Variants in NCAM1 observed in about 807,000 individuals in gnomAD.
NCAM1 encodes the protein neural cell adhesion molecule 1, also known as antigen recognized by monoclonal antibody 5.1H11.
In NCAM1, 14 loss-of-function variants were observed where a neutral mutation model predicts 109.8. The observed-to-expected ratio is 0.13, with a 90% CI of 0.08 to 0.20. The LOEUF (loss-of-function observed/expected upper bound fraction) is 0.20, where lower values mean the gene tolerates loss of function less well. Among genes scored for constraint, NCAM1 ranks in the 10% least tolerant of loss-of-function variants. The pLI is 1.00. For missense variants in NCAM1, 774 were observed against 1,109.9 expected, an observed-to-expected ratio of 0.70 and a Z score of 4.30; for synonymous variants, 418 against 442.9, an observed-to-expected ratio of 0.94 and a Z score of 0.70.
At chr11:113,263,525 T>C in intron 17 of NCAM1, 1 of 985,776 alleles carries the variant, frequency 1.0e-6, no homozygotes, top group South Asian at 4.7e-5. Context: ...AAGTTGAATT[T>C]GTTGGATATT....
chr11:113,173,565 A>G (rs1391937566), intron 1 of NCAM1, among the ~76,000 whole-genome samples: 1 of 137,692 alleles, frequency 7.3e-6, no homozygotes, highest in East Asian at 2.1e-4. Flanking sequence ...AGTGGAAAAC[A>G]TATGACTAAT....
intron 17 of NCAM1, chr11:113,265,042 T>C: frequency 1.0e-6 from 1 of 985,434 alleles, no homozygotes; most frequent in Non-Finnish European, 1.2e-6. Flanking sequence ...CCACACACCA[T>C]GGGGCCCCTT....
At chr11:112,961,735 C>A in intron 1 of NCAM1, 71 bp downstream of exon 1, 2 of 989,606 alleles carry the variant, frequency 2.0e-6, no homozygotes, top group East Asian at 2.6e-5. Context: ...CTAGGAGGAA[C>A]GCTATTATTT....
At chr11:113,008,077 TC>T (rs1357219792) in intron 1 of NCAM1, among the ~76,000 whole-genome samples, 1 of 152,214 alleles carries the variant, frequency 6.6e-6, no homozygotes, top group Non-Finnish European at 1.5e-5. Flanking sequence ...TAATGGTGCA[TC>T]TTACAACACA....
rs1944165060 is a variant in NCAM1, at chr11:113,204,286, T to C, written c.128T>C (p.Val43Ala). 1.9e-6 allele frequency: 3 copies of C among 1,607,358 alleles called. No homozygotes were observed. The highest frequency in any genetic ancestry group is 2.5e-6 in the Non-Finnish European group (3 of 1,176,846). ...VGESKFFLCQ[V>A]AGDAKDKDIS... is the part of the protein sequence containing the mutation. ...TTAAAAATAATCTCTTCCTCTTTAGTGGCAGGAGATGCCAAAGATAAAGAC... is the reference window on the plus strand; with the variant it reads ...TTAAAAATAATCTCTTCCTCTTTAGCGGCAGGAGATGCCAAAGATAAAGAC... The change falls in exon 3 of 20, where the codon GTG becomes GCG. Residue 43 changes from valine (V) to alanine (A), a missense_variant and splice_region_variant. By Grantham distance (64) the Val-to-Ala change is moderately conservative (BLOSUM62 0). Around this residue, in one of 4 missense-constraint regions of NCAM1, gnomAD observed 112 missense variants for 142.0 expected, o/e 0.79. Coordinates refer to ENST00000316851, the MANE Select transcript of NCAM1 (RefSeq NM_181351.5).
At chr11:113,241,592 T>C (rs544032301) in intron 14 of NCAM1, among the ~76,000 whole-genome samples, 2 of 152,356 alleles carry the variant, frequency 1.3e-5, no homozygotes, top group South Asian at 4.1e-4. Flanking sequence ...TTCATCATCC[T>C]GGCTAAGCCT....
intron 7 of NCAM1, among the ~76,000 whole-genome samples, chr11:113,212,115 C>G (rs1253207065): frequency 6.6e-6 from 1 of 152,308 alleles, no homozygotes; most frequent in African/African-American, 2.4e-5. Context: ...TACTAATGCC[C>G]TTTGTCCTGG....
At chr11:112,982,779 A>G (rs1045712856) in intron 1 of NCAM1, among the ~76,000 whole-genome samples, 1 of 151,818 alleles carries the variant, frequency 6.6e-6, no homozygotes, top group Non-Finnish European at 1.5e-5. Context: ...AGGGACTTTT[A>G]ATTTTTTAAA....
intron 1 of NCAM1, among the ~76,000 whole-genome samples, chr11:113,077,318 G>A (rs2135628857): frequency 6.6e-6 from 1 of 152,298 alleles, no homozygotes; most frequent in East Asian, 1.9e-4. Context: ...TTGATATAAA[G>A]ACATTTACTG....
intron 14 of NCAM1, chr11:113,240,944 G>C: frequency 1.8e-6 from 2 of 1,135,514 alleles, no homozygotes; most frequent in Non-Finnish European, 2.7e-6. Context: ...TCAGTTGGTG[G>C]AAAGCAGCGT....
At chr11:113,129,955 T>C (rs1226237576) in intron 1 of NCAM1, among the ~76,000 whole-genome samples, 7 of 152,226 alleles carry the variant, frequency 4.6e-5, no homozygotes, top group Admixed American at 4.6e-4. Flanking sequence ...CTTGCCCTTT[T>C]TAATGTTATT....
intron 1 of NCAM1, among the ~76,000 whole-genome samples, chr11:113,151,956 G>A (rs1214289935): frequency 6.6e-6 from 1 of 152,152 alleles, no homozygotes; most frequent in African/African-American, 2.4e-5. Flanking sequence ...GGTGGGAGGG[G>A]AAGGGGATGG....
At position 113,074,171 on chromosome 11, in the gene NCAM1, T is replaced by C. The variant is rs578073720; in HGVS notation, c.52+112507T>C. Among the ~76,000 whole-genome samples the C allele has an allele frequency of 2.6e-5, 4 of 152,326 alleles. No individual in the cohort carries two copies. The East Asian group carries it at 7.7e-4, about 29-fold the overall frequency. On this transcript the variant is annotated intron_variant, in intron 1 of 19. Coordinates refer to ENST00000316851, the MANE Select transcript of NCAM1 (RefSeq NM_181351.5). ...CAGATTCCCTTTGAGCTTCGCAGTA[T>C]AAAGTCTCCATAACTCCTAAATATG...
chr11:113,043,815 A>T (rs1328801706), intron 1 of NCAM1, among the ~76,000 whole-genome samples: 1 of 151,278 alleles, frequency 6.6e-6, no homozygotes, highest in Non-Finnish European at 1.5e-5. Context: ...TCCCTCCCCA[A>T]CCTGCAGGGC....
At chr11:113,219,703 T>C (rs1463484628) in intron 8 of NCAM1, among the ~76,000 whole-genome samples, 1 of 152,208 alleles carries the variant, frequency 6.6e-6, no homozygotes, top group East Asian at 1.9e-4. Flanking sequence ...AGAACCATAG[T>C]GATTTGGGAG....
chr11:113,075,472 C>T (rs1555085977), intron 1 of NCAM1, among the ~76,000 whole-genome samples: 1 of 152,122 alleles, frequency 6.6e-6, no homozygotes, highest in African/African-American at 2.4e-5. Flanking sequence ...GTATCGGATG[C>T]CTGGTCACTG....
At chr11:113,261,020 C>A (rs946806360) in intron 17 of NCAM1, among the ~76,000 whole-genome samples, 3 of 152,158 alleles carry the variant, frequency 2.0e-5, no homozygotes, top group Admixed American at 6.5e-5. Context: ...CCTTTTTGGC[C>A]AAATCCCTCA....
rs576454700 is a variant in NCAM1 at position 112,974,706 on chromosome 11, T to G, written c.52+13042T>G. Among the ~76,000 whole-genome samples, 177 of 152,124 alleles carry G rather than the reference T, an allele frequency of 1.2e-3. 4 individuals are homozygous for G. The highest frequency in any genetic ancestry group is 4.2e-3 in the African/African-American group (173 of 41,544). On this transcript the variant is annotated intron_variant, in intron 1 of 19. Transcript: ENST00000316851. ...AAGTCTGGTATATGCAAGGACAAAG[T>G]GCATCTGGTTCAATCTCTCTATTTA... is the stretch of plus-strand genomic sequence containing the variant.
chr11:112,988,475 G>A (rs1192516246), intron 1 of NCAM1, among the ~76,000 whole-genome samples: 1 of 152,058 alleles, frequency 6.6e-6, no homozygotes, highest in Non-Finnish European at 1.5e-5. Context: ...AAGTCTAGTG[G>A]TGATGAGCAC....
Sources: allele counts gnomAD v4.1 joint callset (sites outside exome capture counted in the v4.1 genomes callset), GRCh38; gene constraint gnomAD v4.1.1; regional missense constraint gnomAD v4.1.1; transcripts MANE v1.5; gene names NCBI Gene and HGNC (gene_info 2026-07-23, HGNC 2026-07-21).